Variants in PCDH15 observed in about 807,000 individuals in gnomAD.
PCDH15 encodes the protein protocadherin related 15, also known as protocadherin-15.
In PCDH15, 129 loss-of-function variants were observed where a neutral mutation model predicts 178.5. The observed-to-expected ratio is 0.72, with a 90% CI of 0.63 to 0.84. PCDH15 has a LOEUF of 0.84. Ranked by LOEUF, PCDH15 falls within the 40% of genes least tolerant of loss-of-function variation. The pLI, the probability that PCDH15 is intolerant of heterozygous loss-of-function variation, is 0.00. For missense variants in PCDH15, 2,230 were observed against 2,099.9 expected, an observed-to-expected ratio of 1.06 and a Z score of -1.21; for synonymous variants, 800 against 732.0, an observed-to-expected ratio of 1.09 and a Z score of -1.50.
At chr10:55,139,202 T>C (rs1018958496) in intron 2 of PCDH15, among the ~76,000 whole-genome samples, 4 of 152,090 alleles carry the variant, frequency 2.6e-5, no homozygotes, top group African/African-American at 7.2e-5. Flanking sequence ...GGTCTTTATA[T>C]ATTTTAGATA....
chr10:54,870,560 C>A (rs990215712), intron 3 of PCDH15, among the ~76,000 whole-genome samples: 5 of 151,946 alleles, frequency 3.3e-5, no homozygotes, highest in African/African-American at 1.2e-4. Flanking sequence ...CCGAGGTGGG[C>A]GGATCACGAG....
intron 8 of PCDH15, among the ~76,000 whole-genome samples, chr10:54,280,548 T>C (rs541677781): frequency 6.6e-6 from 1 of 151,942 alleles, no homozygotes; most frequent in South Asian, 2.1e-4. Flanking sequence ...TTCAATTTCT[T>C]TCTCTTTGGC....
At chr10:54,606,642 A>C (rs1180762764) in intron 2 of PCDH15, 1 of 152,140 alleles carries the variant, frequency 6.6e-6, no homozygotes, top group African/African-American at 2.4e-5. Flanking sequence ...GTTCGGATGC[A>C]GGCTAGAAAA....
chr10:54,428,906 A>G (rs1956622659), intron 3 of PCDH15, among the ~76,000 whole-genome samples: 1 of 152,250 alleles, frequency 6.6e-6, no homozygotes, highest in East Asian at 1.9e-4. Context: ...ACAGATAAAC[A>G]AAAGCTGAGG....
rs549256222 is a variant in PCDH15, at chr10:54,292,141, T to G, written c.876+25130A>C. 1.6e-3 allele frequency among the ~76,000 whole-genome samples: 240 copies of G among 152,332 alleles called. 1 individual carries two copies. Among genetic ancestry groups the G allele is most frequent in the African/African-American group, 3.5e-3 (145 of 41,570 alleles). On this transcript the variant is annotated intron_variant, in intron 8 of 37. Transcript: ENST00000644397. ...ATCCACCACAATCAAGCTGGCTTCA[T>G]TCCTGGGATGCAAGGCTGGTTCAAC...
intron 3 of PCDH15, among the ~76,000 whole-genome samples, chr10:54,503,614 C>T (rs866563862): frequency 1.3e-5 from 2 of 151,738 alleles, no homozygotes; most frequent in East Asian, 1.9e-4. Context: ...AAATTTTCTC[C>T]CGAGACATAC....
chr10:54,336,817 C>T (rs902445789), intron 6 of PCDH15, among the ~76,000 whole-genome samples: 2 of 152,134 alleles, frequency 1.3e-5, no homozygotes, highest in Non-Finnish European at 2.9e-5. Context: ...CACTGTCCTC[C>T]AGAACCCAGA....
intron 3 of PCDH15, among the ~76,000 whole-genome samples, chr10:54,808,348 T>C (rs1952811574): frequency 6.6e-6 from 1 of 152,140 alleles, no homozygotes; most frequent in African/African-American, 2.4e-5. Context: ...AGCACATGTG[T>C]TAGACATTTC....
intron 1 of PCDH15, among the ~76,000 whole-genome samples, chr10:54,762,202 TTTC>T (rs67068525): frequency 0.71 from 107,858 of 151,738 alleles, 39,027 homozygotes; most frequent in East Asian, 0.84. Context: ...ATAGCTTATT[TTTC>T]TTGTCTTATA....
chr10:54,111,781 C>T (rs934241284), intron 15 of PCDH15, among the ~76,000 whole-genome samples: 2 of 151,956 alleles, frequency 1.3e-5, no homozygotes, highest in East Asian at 1.9e-4. Flanking sequence ...CCAAAATACA[C>T]CTTTATTATG....
intron 2 of PCDH15, among the ~76,000 whole-genome samples, chr10:55,125,163 T>TTTTGTGTGTG (rs1554833072): frequency 2.1e-4 from 30 of 143,084 alleles, no homozygotes; most frequent in South Asian, 4.5e-4. Context: ...TTTTTTTTAA[T>TTTTGTGTGTG]TGTGTGTGTG....
chr10:55,446,984 G>A (rs147426922), intron 2 of PCDH15, among the ~76,000 whole-genome samples: 1 of 151,950 alleles, frequency 6.6e-6, no homozygotes, highest in Middle Eastern at 3.4e-3. Flanking sequence ...GAAATACAGA[G>A]AGACAGATAA....
At chr10:53,990,416 T>G (rs984401855) in intron 21 of PCDH15, among the ~76,000 whole-genome samples, 3 of 151,390 alleles carry the variant, frequency 2.0e-5, no homozygotes, top group Non-Finnish European at 4.4e-5. Context: ...ATTGCAAGAA[T>G]TTTTATGGAG....
At chr10:54,487,798 T>A (rs2079224277) in intron 3 of PCDH15, among the ~76,000 whole-genome samples, 1 of 151,996 alleles carries the variant, frequency 6.6e-6, no homozygotes, top group South Asian at 2.1e-4. Context: ...GTAAATAATA[T>A]GGTTTTGTAG....
At chr10:54,541,626 T>C (rs2085240889) in intron 2 of PCDH15, among the ~76,000 whole-genome samples, 1 of 152,170 alleles carries the variant, frequency 6.6e-6, no homozygotes, top group African/African-American at 2.4e-5. Context: ...ATCCAACTTG[T>C]CTCTGTGTTT....
At chr10:55,531,155 C>A (rs1188477715) in intron 2 of PCDH15, among the ~76,000 whole-genome samples, 1 of 151,938 alleles carries the variant, frequency 6.6e-6, no homozygotes, top group African/African-American at 2.4e-5. Context: ...TATTGAATTA[C>A]AATTTGCTCA....
At chr10:55,157,695 T>G (rs1449968354) in intron 2 of PCDH15, among the ~76,000 whole-genome samples, 1 of 151,546 alleles carries the variant, frequency 6.6e-6, no homozygotes, top group African/African-American at 2.4e-5. Flanking sequence ...CCTAGCAAAC[T>G]ATCACAAGGA....
At chr10:55,307,469 C>T (rs1283578453) in intron 1 of PCDH15, among the ~76,000 whole-genome samples, 1 of 151,380 alleles carries the variant, frequency 6.6e-6, no homozygotes, top group African/African-American at 2.4e-5. Flanking sequence ...CACCACTGCA[C>T]TCCAGCCTGG....
intron 2 of PCDH15, chr10:55,166,440 T>C (rs963312920): frequency 1.3e-5 from 2 of 152,182 alleles, no homozygotes; most frequent in African/African-American, 4.8e-5. Context: ...ATATATCTGC[T>C]TAAAGACATT....
Sources: allele counts gnomAD v4.1 joint callset (sites outside exome capture counted in the v4.1 genomes callset), GRCh38; gene constraint gnomAD v4.1.1; transcripts MANE v1.5; gene names NCBI Gene and HGNC (gene_info 2026-07-23, HGNC 2026-07-21).